CEP55: variants seen among roughly 807,000 people sequenced by gnomAD.
CEP55 encodes centrosomal protein 55.
Under a neutral mutation model 63.2 loss-of-function variants are expected in CEP55, and 57 were observed. The observed-to-expected ratio is 0.90, with a 90% CI of 0.73 to 1.13. CEP55 has a LOEUF of 1.13. Among genes scored for constraint, CEP55 ranks in the 50% most tolerant of loss-of-function variants. CEP55 has a pLI of 0.00. For missense variants in CEP55, 456 were observed against 518.9 expected (o/e 0.88, Z 1.18); for synonymous variants, 178 against 191.6 (o/e 0.93, Z 0.59).
At chr10:93,500,893 G>A (rs1244668298) in intron 2 of CEP55, among the ~76,000 whole-genome samples, 1 of 151,832 alleles carries the variant, frequency 6.6e-6, no homozygotes, top group African/African-American at 2.4e-5. Context: ...CCAAAGTGCT[G>A]GAATTCCAGG....
intron 1 of CEP55, among the ~76,000 whole-genome samples, chr10:93,498,133 C>T (rs553350771): frequency 2.2e-5 from 3 of 139,302 alleles, no homozygotes; most frequent in Non-Finnish European, 4.6e-5. Flanking sequence ...CCTAACGCCC[C>T]GCCCCCGCCA....
chr10:93,526,675 G>A (rs1160968393), intron 8 of CEP55, among the ~76,000 whole-genome samples: 1 of 151,406 alleles, frequency 6.6e-6, no homozygotes, highest in Non-Finnish European at 1.5e-5. Flanking sequence ...CAAAGACTTG[G>A]AACCAACCCA....
rs947405605 is a variant in CEP55 at position 93,498,937 on chromosome 10, A to G, written c.-12-1103A>G. On this transcript the variant is annotated intron_variant, in intron 1 of 8. Transcript: ENST00000371485. Reference sequence around the variant, plus strand: ...CTTTATATCCTTTAATCACACTGCCATTATTTTATCTTGGGATACATGAAG... The same window carrying G: ...CTTTATATCCTTTAATCACACTGCCGTTATTTTATCTTGGGATACATGAAG... Among the ~76,000 whole-genome samples the G allele has an allele frequency of 3.3e-5, 5 of 152,062 alleles. No homozygotes were observed. The East Asian group carries it at 7.7e-4, about 23-fold the overall frequency.
chr10:93,521,823 C>T lies in CEP55; in HGVS notation c.1191+2016C>T, dbSNP rs1564768999. Among the ~76,000 whole-genome samples the T allele has an allele frequency of 3.3e-5, 5 of 152,272 alleles. No homozygotes were observed. The South Asian group carries it at 1.0e-3, about 32-fold the overall frequency. On this transcript the variant is annotated intron_variant, in intron 8 of 8. Transcript: ENST00000371485. ...GTTCTGCAGCCTCCGCTGCTGATAC[C>T]CAGGCAAACAGGGTCTGGAGTGGAC...
At chr10:93,499,941 A>G (rs1479187230) in intron 1 of CEP55, 99 bp from the exon 2 acceptor site, 1 of 789,642 alleles carries the variant, frequency 1.3e-6, no homozygotes, top group East Asian at 2.5e-5. Context: ...GTTTGGATAT[A>G]TCATTTCTAT....
chr10:93,524,829 C>T (rs981319093), intron 8 of CEP55, among the ~76,000 whole-genome samples: 63 of 152,066 alleles, frequency 4.1e-4, no homozygotes, highest in African/African-American at 1.1e-3. Context: ...ACAGAACCAA[C>T]GACAAAAACC....
intron 8 of CEP55, among the ~76,000 whole-genome samples, chr10:93,525,183 A>G (rs1441677567): frequency 8.6e-5 from 13 of 151,554 alleles, no homozygotes; most frequent in East Asian, 3.9e-4. Flanking sequence ...TTGTATATCT[A>G]GAAAACCCCA....
intron 4 of CEP55, 72 bp downstream of exon 4, chr10:93,507,128 G>T (rs2057697344): frequency 1.1e-6 from 1 of 871,614 alleles, no homozygotes; most frequent in Non-Finnish European, 1.8e-6. Context: ...ACAGAAATTG[G>T]CAACATTAGT....
intron 8 of CEP55, 97 bp from the exon 9 acceptor site, chr10:93,527,853 C>A: frequency 9.7e-7 from 1 of 1,025,992 alleles, no homozygotes; most frequent in Non-Finnish European, 1.4e-6. Context: ...TACACTCTGG[C>A]CTGGGTGACA....
intron 2 of CEP55, among the ~76,000 whole-genome samples, chr10:93,501,441 C>A (rs915338276): frequency 2.6e-5 from 4 of 152,142 alleles, no homozygotes; most frequent in African/African-American, 9.7e-5. Context: ...ATAATCCCAG[C>A]ACTTTGGGAG....
chr10:93,515,579 C>T (rs1456076549), intron 5 of CEP55, 24 bp downstream of exon 5: 1 of 1,567,014 alleles, frequency 6.4e-7, no homozygotes. Context: ...TAAAAATGTT[C>T]TCTAGGGATA....
At chr10:93,510,285 G>A (rs1161171091) in intron 4 of CEP55, among the ~76,000 whole-genome samples, 1 of 152,070 alleles carries the variant, frequency 6.6e-6, no homozygotes, top group Non-Finnish European at 1.5e-5. Flanking sequence ...TCAAATATCC[G>A]AATTTTAAGC....
Position 93,518,874 on chromosome 10 carries a change from C to T in CEP55, c.994-3C>T, listed in dbSNP as rs1184257334. 2 of 1,600,726 alleles carry T rather than the reference C, an allele frequency of 1.2e-6. No individual in the cohort carries two copies. The highest frequency in any genetic ancestry group is 4.5e-5 in the East Asian group (2 of 44,622). ...CAGCATTGGTTCTCTTTATGTCCTA[C>T]AGGTCCAGTTTCTTTACACATCTCT... On this transcript the variant is annotated splice_polypyrimidine_tract_variant and splice_region_variant and intron_variant, in intron 6 of 8. Transcript: ENST00000371485.
At chr10:93,501,242 G>A (rs1471269771) in intron 2 of CEP55, among the ~76,000 whole-genome samples, 2 of 151,990 alleles carry the variant, frequency 1.3e-5, no homozygotes, top group Non-Finnish European at 2.9e-5. Flanking sequence ...ACTATATTTC[G>A]GATTCCCTAA....
intron 8 of CEP55, among the ~76,000 whole-genome samples, chr10:93,523,475 C>T (rs1025541003): frequency 1.7e-4 from 26 of 152,124 alleles, no homozygotes; most frequent in African/African-American, 6.0e-4. Flanking sequence ...CTTAGACTCC[C>T]ACACGATAAT....
chr10:93,499,459 GAATTACACATAT>G (rs1271556019), intron 1 of CEP55, among the ~76,000 whole-genome samples: 7 of 149,032 alleles, frequency 4.7e-5, no homozygotes, highest in South Asian at 2.1e-4. Context: ...TTCCACAAAA[GAATTACACATAT>G]AATTACACAT....
chr10:93,506,276 T>C (rs1312317562), intron 3 of CEP55, among the ~76,000 whole-genome samples: 1 of 152,166 alleles, frequency 6.6e-6, no homozygotes, highest in African/African-American at 2.4e-5. Flanking sequence ...AACATGATTC[T>C]AGAAAAAAAA....
chr10:93,528,106 A>G lies in CEP55; in HGVS notation c.1348A>G (p.Thr450Ala), dbSNP rs1398234007. The change falls in exon 9 of 9, where the codon ACT becomes GCT. Residue 450 changes from threonine to alanine, a missense_variant. By Grantham distance (58) the Thr-to-Ala change is moderately conservative. Transcript: ENST00000371485. ...CAAGTGCAATATACAGTATCCAGCC[A>G]CTGAGCATCGCGATCTGCTTGTCCA... is the stretch of plus-strand genomic sequence containing the variant. The part of the protein sequence containing the change: ...CPKCNIQYPA[T>A]EHRDLLVHVE... 4 of 1,613,954 alleles carry G rather than the reference A, an allele frequency of 2.5e-6. No homozygotes were observed. The African/African-American group carries it at 4.0e-5, about 16-fold the overall frequency.
chr10:93,505,609 A>T (rs2057680232), intron 3 of CEP55, among the ~76,000 whole-genome samples: 1 of 152,234 alleles, frequency 6.6e-6, no homozygotes, highest in African/African-American at 2.4e-5. Flanking sequence ...AAAGGGCTAC[A>T]TATTAAAGTG....
Sources: allele counts gnomAD v4.1 joint callset (sites outside exome capture counted in the v4.1 genomes callset), GRCh38; gene constraint gnomAD v4.1.1; transcripts MANE v1.5; gene names NCBI Gene and HGNC (gene_info 2026-07-23, HGNC 2026-07-21).